The following FRMD4A variants were observed in gnomAD, a reference collection of about 807,000 sequenced individuals.
FRMD4A encodes FERM domain-containing protein 4A.
A neutral mutation model predicts 129.1 loss-of-function variants in FRMD4A; 29 were observed. The ratio of observed to expected loss-of-function variants is 0.22; its 90% CI spans 0.17 to 0.31. The LOEUF (loss-of-function observed/expected upper bound fraction) is 0.31, where lower values mean the gene tolerates loss of function less well. Among genes scored for constraint, FRMD4A ranks in the 10% least tolerant of loss-of-function variants. FRMD4A has a pLI of 1.00. For synonymous variants in FRMD4A, 634 were observed against 571.6 expected (o/e 1.11, Z -1.56); for missense variants, 1,272 against 1,375.8 (o/e 0.92, Z 1.19).
chr10:14,272,009 C>A (rs1370181969), intron 2 of FRMD4A, among the ~76,000 whole-genome samples: 1 of 151,866 alleles, frequency 6.6e-6, no homozygotes, highest in Non-Finnish European at 1.5e-5. Context: ...TTTTTTGGTT[C>A]TTTTGCCCAA....
chr10:14,125,168 T>C (rs1430894336), intron 2 of FRMD4A, among the ~76,000 whole-genome samples: 1 of 152,186 alleles, frequency 6.6e-6, no homozygotes, highest in Admixed American at 6.5e-5. Flanking sequence ...GCATGCACCA[T>C]GATCACCGTC....
chr10:14,080,384 T>C (rs138075596), intron 2 of FRMD4A, among the ~76,000 whole-genome samples: 68 of 152,290 alleles, frequency 4.5e-4, no homozygotes, highest in African/African-American at 1.5e-3. Context: ...ACATTGGAAC[T>C]GGCTCCTGAA....
chr10:14,014,346 C>A (rs937529329), intron 2 of FRMD4A, among the ~76,000 whole-genome samples: 5 of 152,182 alleles, frequency 3.3e-5, no homozygotes, highest in Admixed American at 6.5e-5. Context: ...ACACGCCCCC[C>A]ATTAATATGT....
chr10:13,920,573 C>T (rs1049333570), intron 2 of FRMD4A, among the ~76,000 whole-genome samples: 1 of 152,212 alleles, frequency 6.6e-6, no homozygotes, highest in Non-Finnish European at 1.5e-5. Flanking sequence ...CCAAAGTCCA[C>T]AGCACTTGAA....
In FRMD4A at chr10:14,111,865, G is replaced by A. The variant is rs189720874; in HGVS notation, c.45+218193C>T. ...GGGAGGACATCCTGCAGGGCAGGTG[G>A]AGGAGGGAGTAGGATTCACCCACAG... On this transcript the variant is annotated intron_variant, in intron 2 of 24. Coordinates refer to ENST00000357447, the MANE Select transcript of FRMD4A (RefSeq NM_018027.5). Among the ~76,000 whole-genome samples, 36 of 150,856 alleles carry A rather than the reference G, an allele frequency of 2.4e-4. No individual in the cohort carries two copies. In the East Asian group the frequency reaches 5.9e-3, roughly 25 times the overall value.
rs1564319315 is a variant in FRMD4A at position 14,127,972 on chromosome 10, T to TTCTCTCTC, written c.45+202085_45+202086insGAGAGAGA. Among the ~76,000 whole-genome samples the TTCTCTCTC allele has an allele frequency of 5.6e-4, 15 of 26,936 alleles. 2 individuals carry two copies. Among genetic ancestry groups the TTCTCTCTC allele is most frequent in the African/African-American group, 2.1e-3 (15 of 7,038 alleles). The allele number at this position is 26,936 out of a possible 152,430, so 17.7% of individuals were successfully genotyped here. ...TTTCTTTCTTTCTTTCTTTCTTTCT[T>TTCTCTCTC]TCTTTCCTTCTCTCTCTCTCTCTCT... On this transcript the variant is annotated intron_variant, in intron 2 of 24. Coordinates refer to ENST00000357447, the MANE Select transcript of FRMD4A (RefSeq NM_018027.5).
intron 2 of FRMD4A, among the ~76,000 whole-genome samples, chr10:14,106,846 T>C (rs529835422): frequency 1.4e-5 from 2 of 144,946 alleles, no homozygotes; most frequent in East Asian, 4.2e-4. Flanking sequence ...GACCCAGCAA[T>C]CCCATTAGTG....
chr10:14,252,347 G>T (rs186944896), intron 2 of FRMD4A, among the ~76,000 whole-genome samples: 7 of 152,142 alleles, frequency 4.6e-5, no homozygotes, highest in African/African-American at 1.7e-4. Flanking sequence ...TTTGCCAATT[G>T]GACAAAAGGA....
rs1554754934 is a variant in FRMD4A, at chr10:14,089,636, A to AAC, written c.46-230725_46-230724insGT. 9.0e-4 allele frequency among the ~76,000 whole-genome samples: 127 copies of AAC among 141,284 alleles called. 1 individual carries two copies. The highest frequency in any genetic ancestry group is 2.4e-3 in the African/African-American group (85 of 35,542). 92.7% of individuals were successfully genotyped at this position (141,284 alleles called of 152,430 possible). A position where few individuals can be genotyped will look rare whatever the true frequency, so the allele number is the denominator to read the frequency against. On this transcript the variant is annotated intron_variant, in intron 2 of 24. Transcript: ENST00000357447. ...TTTCAAGCAAAAAAAAAAACAAAAA[A>AAC]AAACAAACAAAAAAAAAACAGAAGA...
chr10:13,655,817 G>A (rs914103373), intron 22 of FRMD4A: 2 of 152,086 alleles, frequency 1.3e-5, no homozygotes, highest in African/African-American at 4.8e-5. Context: ...CTTCTCCTCA[G>A]TGTCCCTCTC....
chr10:13,659,858 C>CT (rs938522397), intron 20 of FRMD4A, among the ~76,000 whole-genome samples: 2 of 55,686 alleles, frequency 3.6e-5, no homozygotes, highest in Non-Finnish European at 9.4e-5. Context: ...CCGAAAATGC[C>CT]TTCCCCCCCA....
intron 2 of FRMD4A, among the ~76,000 whole-genome samples, chr10:14,154,122 GATAGGT>G (rs1840482150): frequency 6.6e-6 from 1 of 152,108 alleles, no homozygotes; most frequent in Non-Finnish European, 1.5e-5. Flanking sequence ...AGTGACGCCC[GATAGGT>G]TAGGCAGGGA....
intron 2 of FRMD4A, among the ~76,000 whole-genome samples, chr10:14,171,145 C>T (rs1209046502): frequency 2.0e-5 from 3 of 151,894 alleles, no homozygotes; most frequent in Non-Finnish European, 4.4e-5. Context: ...AAAAAATTCA[C>T]GGACATGATT....
chr10:14,049,981 T>C (rs569369258), intron 2 of FRMD4A, among the ~76,000 whole-genome samples: 10 of 152,240 alleles, frequency 6.6e-5, no homozygotes, highest in Non-Finnish European at 1.0e-4. Flanking sequence ...GTCGACAATA[T>C]TTACTGAGCA....
At chr10:14,327,227 A>G (rs1843313074) in intron 2 of FRMD4A, among the ~76,000 whole-genome samples, 1 of 152,222 alleles carries the variant, frequency 6.6e-6, no homozygotes, top group African/African-American at 2.4e-5. Flanking sequence ...AACACTAATG[A>G]TCATCCGTGT....
intron 2 of FRMD4A, among the ~76,000 whole-genome samples, chr10:13,972,953 C>T (rs1015920371): frequency 1.3e-5 from 2 of 152,234 alleles, no homozygotes; most frequent in Admixed American, 6.5e-5. Flanking sequence ...TTAACTAATA[C>T]CATCAGAAAA....
chr10:14,309,765 A>G (rs542978509), intron 2 of FRMD4A, among the ~76,000 whole-genome samples: 306 of 152,260 alleles, frequency 2.0e-3, no homozygotes, highest in Middle Eastern at 0.014. Context: ...CTAACTGATC[A>G]GCCCACGACC....
At chr10:13,680,081 C>T (rs2084407078) in intron 15 of FRMD4A, among the ~76,000 whole-genome samples, 1 of 152,240 alleles carries the variant, frequency 6.6e-6, no homozygotes, top group South Asian at 2.1e-4. Context: ...TCACTGCCTG[C>T]CTTGATGCCC....
intron 2 of FRMD4A, among the ~76,000 whole-genome samples, chr10:14,039,368 G>GTCCGTCCA (rs554051462): frequency 0.2 from 21,896 of 109,362 alleles, 2,303 homozygotes; most frequent in East Asian, 0.45. Flanking sequence ...CTGTCCGTCC[G>GTCCGTCCA]TCCATCCATC....
Sources: allele counts gnomAD v4.1 joint callset (sites outside exome capture counted in the v4.1 genomes callset), GRCh38; gene constraint gnomAD v4.1.1; transcripts MANE v1.5; gene names NCBI Gene and HGNC (gene_info 2026-07-23, HGNC 2026-07-21).